The following SLC16A7 variants were observed in gnomAD, a reference collection of about 807,000 sequenced individuals.
SLC16A7 encodes monocarboxylate transporter 2.
Under a neutral mutation model 34.9 loss-of-function variants are expected in SLC16A7, and 33 were observed. The ratio of observed to expected loss-of-function variants is 0.94; its 90% confidence interval spans 0.72 to 1.26. The LOEUF (loss-of-function observed/expected upper bound fraction) is 1.26, where lower values mean the gene tolerates loss of function less well. Among genes scored for constraint, SLC16A7 ranks in the 50% most tolerant of loss-of-function variants. The pLI is 0.00. For missense variants in SLC16A7, 573 were observed against 578.1 expected, an observed-to-expected ratio of 0.99 and a Z score of 0.09; for synonymous variants, 201 against 206.6, an observed-to-expected ratio of 0.97 and a Z score of 0.23.
At chr12:59,741,141 G>T in intron 3 of SLC16A7, among the ~76,000 whole-genome samples, 1 of 152,000 alleles carries the variant, frequency 6.6e-6, no homozygotes, top group East Asian at 1.9e-4. Flanking sequence ...ACTGCCCAAG[G>T]TAATTTATAG....
intron 3 of SLC16A7, among the ~76,000 whole-genome samples, chr12:59,765,040 G>A (rs1881444540): frequency 1.3e-5 from 2 of 152,158 alleles, no homozygotes; most frequent in South Asian, 4.1e-4. Flanking sequence ...GGTGTGAGAT[G>A]GTATCTCATT....
rs149168340 is a variant in SLC16A7 at position 59,672,684 on chromosome 12, T to A, written c.-31+17434T>A. On this transcript the variant is annotated intron_variant, in intron 2 of 5. Coordinates refer to ENST00000547379, the MANE Select transcript of SLC16A7 (RefSeq NM_001270623.2). The stretch of plus-strand genomic sequence containing the variant: ...TCACCATGTGCTTGCAGAAGAGAGT[T>A]TACATTCACATGTAAATTTACAGCA... Among the ~76,000 whole-genome samples the A allele has an allele frequency of 4.4e-4, 67 of 152,250 alleles. 1 individual carries two copies. The East Asian group carries it at 0.011, about 24-fold the overall frequency.
At chr12:59,756,477 A>C (rs1043780516) in intron 3 of SLC16A7, among the ~76,000 whole-genome samples, 8 of 152,128 alleles carry the variant, frequency 5.3e-5, no homozygotes, top group African/African-American at 1.9e-4. Context: ...AAAAGAAGAC[A>C]TTTATGCAGC....
At chr12:59,617,186 T>C (rs1565619648) in intron 1 of SLC16A7, among the ~76,000 whole-genome samples, 1 of 152,040 alleles carries the variant, frequency 6.6e-6, no homozygotes, top group Non-Finnish European at 1.5e-5. Context: ...CATGGGAATA[T>C]ATCACCTAAA....
At chr12:59,672,216 ATATGTGTATATATG>A (rs1200797934) in intron 2 of SLC16A7, among the ~76,000 whole-genome samples, 3 of 118,038 alleles carry the variant, frequency 2.5e-5, no homozygotes, top group African/African-American at 8.2e-5. Context: ...ATACGTATAT[ATATGTGTATATATG>A]CATATATACG....
At chr12:59,697,434 G>A (rs779891799) in intron 2 of SLC16A7, among the ~76,000 whole-genome samples, 4 of 151,978 alleles carry the variant, frequency 2.6e-5, no homozygotes, top group Non-Finnish European at 4.4e-5. Flanking sequence ...ATAGAAAAAT[G>A]GGAAGAGTTG....
chr12:59,662,092 T>A (rs1021674808), intron 2 of SLC16A7, among the ~76,000 whole-genome samples: 7 of 152,060 alleles, frequency 4.6e-5, no homozygotes, highest in African/African-American at 1.7e-4. Context: ...TGTTTTTTTG[T>A]GTTTTCTGAT....
chr12:59,755,310 A>T (rs1219949386), intron 3 of SLC16A7, among the ~76,000 whole-genome samples: 2 of 152,222 alleles, frequency 1.3e-5, no homozygotes, highest in Non-Finnish European at 2.9e-5. Flanking sequence ...AGAGGAAGTT[A>T]AATTGTCCCT....
chr12:59,746,367 T>C (rs1878891814), intron 3 of SLC16A7, among the ~76,000 whole-genome samples: 1 of 152,200 alleles, frequency 6.6e-6, no homozygotes, highest in African/African-American at 2.4e-5. Flanking sequence ...TTAAACAATA[T>C]ATATGACTCA....
intron 1 of SLC16A7, among the ~76,000 whole-genome samples, chr12:59,617,618 C>T (rs978286889): frequency 4.0e-5 from 6 of 151,834 alleles, no homozygotes; most frequent in African/African-American, 9.7e-5. Flanking sequence ...GTAGGCTCTG[C>T]GCTTGTTTTC....
chr12:59,698,003 G>T (rs369389387), intron 2 of SLC16A7, among the ~76,000 whole-genome samples: 81 of 151,842 alleles, frequency 5.3e-4, no homozygotes, highest in African/African-American at 1.9e-3. Flanking sequence ...TGGGAAAGAT[G>T]GGTAGTAAAT....
intron 2 of SLC16A7, among the ~76,000 whole-genome samples, chr12:59,680,398 T>C (rs528267638): frequency 1.5e-4 from 23 of 152,316 alleles, no homozygotes; most frequent in African/African-American, 3.8e-4. Context: ...TTATTTCTTT[T>C]AGACTGAAAA....
intron 1 of SLC16A7, among the ~76,000 whole-genome samples, chr12:59,620,310 A>G (rs967997444): frequency 7.2e-5 from 11 of 151,970 alleles, no homozygotes; most frequent in African/African-American, 2.7e-4. Flanking sequence ...AGCAAAACTG[A>G]TTGACTTGGG....
chr12:59,670,415 C>T (rs527749271), intron 2 of SLC16A7, among the ~76,000 whole-genome samples: 2 of 149,700 alleles, frequency 1.3e-5, no homozygotes, highest in African/African-American at 2.5e-5. Flanking sequence ...TTCCAATCCA[C>T]CCCCCCCACC....
intron 1 of SLC16A7, among the ~76,000 whole-genome samples, chr12:59,608,494 C>A (rs1879044362): frequency 6.6e-6 from 1 of 152,110 alleles, no homozygotes; most frequent in Non-Finnish European, 1.5e-5. Context: ...TCAGAGGAAG[C>A]CACAGATAAT....
At chr12:59,687,610 A>G (rs1871258873) in intron 2 of SLC16A7, among the ~76,000 whole-genome samples, 2 of 152,078 alleles carry the variant, frequency 1.3e-5, no homozygotes, top group South Asian at 4.1e-4. Flanking sequence ...AACAACTGCA[A>G]TCTCTTAGGG....
At chr12:59,631,273 T>C (rs1388401871) in intron 1 of SLC16A7, among the ~76,000 whole-genome samples, 1 of 151,960 alleles carries the variant, frequency 6.6e-6, no homozygotes, top group Non-Finnish European at 1.5e-5. Flanking sequence ...TAGTTTCCCT[T>C]CTGTACTTTC....
In SLC16A7 at chr12:59,596,460, C is replaced by A. The variant is rs2136949027; in HGVS notation, c.-130+224C>A. Among the ~76,000 whole-genome samples, 1 of 151,760 alleles carries A rather than the reference C, an allele frequency of 6.6e-6. No homozygotes were observed. The highest frequency in any genetic ancestry group is 2.1e-4 in the South Asian group (1 of 4,774). On this transcript the variant is annotated intron_variant, in intron 1 of 5. Transcript: ENST00000547379. The surrounding 1 kb of genome is among the most constrained non-coding windows in gnomAD (Gnocchi z 5.0). The stretch of plus-strand genomic sequence containing the variant: ...GCCGCGGGAGCAGAGCTCGCGTCAG[C>A]CAGTGCGCGCCGACAGCTGCCCGGG...
chr12:59,691,191 A>G (rs1251541721), intron 2 of SLC16A7, among the ~76,000 whole-genome samples: 1 of 151,954 alleles, frequency 6.6e-6, no homozygotes, highest in South Asian at 2.1e-4. Context: ...TTATCTCACT[A>G]AAGGAAGAAG....
Sources: gnomAD v4.1 joint callset for allele counts (sites outside exome capture counted in the v4.1 genomes callset) on GRCh38, gnomAD v4.1.1 for gene constraint, Gnocchi (gnomAD v3.1) non-coding constraint, MANE v1.5 for transcripts, NCBI Gene and HGNC (gene_info 2026-07-23, HGNC 2026-07-21) for gene names.